The following ZFYVE27 variants were observed in gnomAD, a reference collection of about 807,000 sequenced individuals.
ZFYVE27 encodes protrudin.
ZFYVE27 carries 36 observed loss-of-function variants against 52.8 expected under a neutral mutation model. The observed-to-expected ratio is 0.68, with a 90% confidence interval of 0.52 to 0.90. ZFYVE27 has a LOEUF of 0.90. ZFYVE27 is among the 40% of genes least tolerant of loss of function. ZFYVE27 has a pLI of 0.00. For missense variants in ZFYVE27, 450 were observed against 527.2 expected (o/e 0.85, Z 1.43); for synonymous variants, 223 against 215.6 (o/e 1.03, Z -0.30).
chr10:97,751,411 GGAGGAGGCT>G lies in ZFYVE27; in HGVS notation c.838_846del (p.Glu280_Glu282del), dbSNP rs1355033336. 3.1e-6 allele frequency: 5 copies of G among 1,613,850 alleles called. No homozygotes were observed. The highest frequency in any genetic ancestry group is 2.2e-5 in the South Asian group (2 of 91,062). On this transcript the variant is annotated inframe_deletion, in exon 8 of 13. Coordinates refer to ENST00000684270, the MANE Select transcript of ZFYVE27 (RefSeq NM_001385875.1). ...CCCAGGACCTCACACCGGGCAGCGT[GGAGGAGGCT>G]GAGGAGGCTGAGCCAGATGAAGAGT...
In ZFYVE27 at chr10:97,744,749, G is replaced by A; in HGVS notation, c.289G>A (p.Ala97Thr). The A allele has an allele frequency of 6.2e-7, 1 of 1,613,846 alleles. No individual in the cohort carries two copies. The highest frequency in any genetic ancestry group is 1.1e-5 in the South Asian group (1 of 91,052). ...TGCAGGTGCATGGTACTCAGTAGGT[G>A]CCCTGATGATTTCAGTGCCCGCCCT... ...LNEGAWYSVG[A>T]LMISVPALLG... Residue 97 changes from alanine (A) to threonine (T), a missense_variant, in exon 4 of 13, where the codon GCC becomes ACC. Ala to Thr is a moderately conservative substitution (Grantham distance 58). Coordinates refer to ENST00000684270, the MANE Select transcript of ZFYVE27 (RefSeq NM_001385875.1).
chr10:97,754,885 T>C (rs2136306113), intron 10 of ZFYVE27: 2 of 1,240,992 alleles, frequency 1.6e-6, no homozygotes, highest in East Asian at 1.1e-4. Context: ...ATTTTACAGA[T>C]GAATAACCTG....
Position 97,745,207 on chromosome 10 carries a change from G to A in ZFYVE27, c.455+292G>A, listed in dbSNP as rs545453720. Among the ~76,000 whole-genome samples, 3 of 150,036 alleles carry A rather than the reference G, an allele frequency of 2.0e-5. No homozygotes were observed. In the East Asian group the frequency reaches 5.9e-4, roughly 29 times the overall value. The stretch of plus-strand genomic sequence containing the variant: ...CTTTTTTTTTTTGAGACAGAGTTTC[G>A]CTCTCGTTGTCCAGGCTGGAGTGCA... On this transcript the variant is annotated intron_variant, in intron 4 of 12. Transcript: ENST00000684270.
intron 2 of ZFYVE27, among the ~76,000 whole-genome samples, chr10:97,742,108 C>T (rs1196533059): frequency 1.4e-5 from 2 of 139,938 alleles, no homozygotes. Flanking sequence ...CTAGTCTGGG[C>T]AACAGAGCGA....
chr10:97,759,381 G>A lies in ZFYVE27; in HGVS notation c.*81G>A. On this transcript the variant is annotated 3_prime_UTR_variant, in exon 13 of 13. Transcript: ENST00000684270. ...CCACTCTCCCCACCCCTGGCCCACT[G>A]TGGTGTGTGCTGGGCAAATGTGGCC... is the stretch of plus-strand genomic sequence containing the variant. The A allele has an allele frequency of 6.7e-7, 1 of 1,494,324 alleles. No homozygotes were observed. The allele number at this position is 1,494,324 out of a possible 1,614,324, so 92.6% of individuals were successfully genotyped here.
At chr10:97,754,049 G>T (rs1177669885) in intron 10 of ZFYVE27, among the ~76,000 whole-genome samples, 1 of 152,164 alleles carries the variant, frequency 6.6e-6, no homozygotes, top group East Asian at 1.9e-4. Flanking sequence ...GAGCTGCTGT[G>T]CTCCTGAGGA....
intron 3 of ZFYVE27, among the ~76,000 whole-genome samples, 163 bp downstream of exon 3, chr10:97,743,327 A>T (rs537327063): frequency 4.6e-5 from 7 of 152,208 alleles, no homozygotes; most frequent in African/African-American, 1.7e-4. Flanking sequence ...GGGACGATCC[A>T]GGCTGAGCTG....
At chr10:97,741,047 G>T (rs73324636) in intron 2 of ZFYVE27, among the ~76,000 whole-genome samples, 1 of 152,186 alleles carries the variant, frequency 6.6e-6, no homozygotes, top group African/African-American at 2.4e-5. Flanking sequence ...GTTCTGAGGC[G>T]TAATTAGGGT....
chr10:97,743,420 G>A (rs942085330), intron 3 of ZFYVE27, among the ~76,000 whole-genome samples: 2 of 152,184 alleles, frequency 1.3e-5, no homozygotes, highest in Non-Finnish European at 2.9e-5. Flanking sequence ...TAAAAATGAC[G>A]CTTTCCTCCT....
chr10:97,757,809 G>A (rs2048756210), intron 12 of ZFYVE27, 86 bp downstream of exon 12: 9 of 1,396,004 alleles, frequency 6.4e-6, no homozygotes, highest in Non-Finnish European at 9.1e-6. Flanking sequence ...GGTGTCAGAG[G>A]TCAAGGGAAC....
At chr10:97,748,100 C>G (rs893288888) in intron 4 of ZFYVE27, among the ~76,000 whole-genome samples, 169 bp from the exon 5 acceptor site, 2 of 152,208 alleles carry the variant, frequency 1.3e-5, no homozygotes, top group African/African-American at 4.8e-5. Flanking sequence ...GCTGGGGTGG[C>G]TTAGCCAGGC....
intron 10 of ZFYVE27, among the ~76,000 whole-genome samples, chr10:97,756,874 A>G (rs950680133): frequency 6.6e-6 from 1 of 152,150 alleles, no homozygotes; most frequent in Non-Finnish European, 1.5e-5. Context: ...GAGTATTTGT[A>G]AGGCATTGCT....
rs2044716353 is a variant in ZFYVE27, at chr10:97,744,766, G to A, written c.306G>A (p.Val102=). The change falls in exon 4 of 13, where the codon GTG becomes GTA. Residue 102 remains valine, a synonymous_variant. Coordinates refer to ENST00000684270, the MANE Select transcript of ZFYVE27 (RefSeq NM_001385875.1). Reference sequence around the variant, plus strand: ...CAGTAGGTGCCCTGATGATTTCAGTGCCCGCCCTGCTGGGCTACCTTCAGG... The same window carrying A: ...CAGTAGGTGCCCTGATGATTTCAGTACCCGCCCTGCTGGGCTACCTTCAGG... ...WYSVGALMIS[V]PALLGYLQEV... The A allele has an allele frequency of 6.2e-7, 1 of 1,613,996 alleles. No homozygotes were observed. The highest frequency in any genetic ancestry group is 8.5e-7 in the Non-Finnish European group (1 of 1,180,042).
intron 2 of ZFYVE27, among the ~76,000 whole-genome samples, chr10:97,742,403 T>TTGGTGGTGG (rs1269858777): frequency 5.9e-5 from 9 of 151,968 alleles, no homozygotes; most frequent in African/African-American, 1.9e-4. Flanking sequence ...GCATTGCCAT[T>TTGGTGGTGG]TGGTGGTGGT....
chr10:97,740,740 G>A (rs537358504), intron 2 of ZFYVE27, among the ~76,000 whole-genome samples: 2 of 152,298 alleles, frequency 1.3e-5, no homozygotes, highest in South Asian at 2.1e-4. Flanking sequence ...TGGCTGTCAC[G>A]TTAGTTTGTG....
chr10:97,750,520 C>G (rs889166217), intron 7 of ZFYVE27, 50 bp downstream of exon 7: 1 of 1,610,146 alleles, frequency 6.2e-7, no homozygotes, highest in African/African-American at 1.3e-5. Context: ...TGTGGGCCCC[C>G]CTGTTATCAG....
At position 97,759,327 on chromosome 10, in the gene ZFYVE27, A is replaced by C. The variant is rs748892716; in HGVS notation, c.*27A>C. 5.6e-6 allele frequency: 9 copies of C among 1,613,692 alleles called. No individual in the cohort carries two copies. The highest frequency in any genetic ancestry group is 7.6e-6 in the Non-Finnish European group (9 of 1,179,732). ...AAGAGAGGCCAGGGTCCAACCAGGC[A>C]CCCGTCCTTGGGACCAGCAGTAGAC... On this transcript the variant is annotated 3_prime_UTR_variant, in exon 13 of 13. Coordinates refer to ENST00000684270, the MANE Select transcript of ZFYVE27 (RefSeq NM_001385875.1).
intron 7 of ZFYVE27, 89 bp downstream of exon 7, chr10:97,750,559 G>C (rs2046665940): frequency 6.4e-7 from 1 of 1,567,386 alleles, no homozygotes; most frequent in Non-Finnish European, 8.7e-7. Context: ...GCTGGCCTCT[G>C]TTGTAGTTCC....
rs368284335 is a variant in ZFYVE27 at position 97,743,764 on chromosome 10, G to T, written c.268+600G>T. Among the ~76,000 whole-genome samples the T allele has an allele frequency of 9.8e-5, 15 of 152,318 alleles. No homozygotes were observed. The South Asian group carries it at 1.0e-3, about 11-fold the overall frequency. On this transcript the variant is annotated intron_variant, in intron 3 of 12. Coordinates refer to ENST00000684270, the MANE Select transcript of ZFYVE27 (RefSeq NM_001385875.1). ...GTGGCATGAAGCCTTTGAGATAGAAGTGTGGACACATGGGTGTCTGTTGGG... is the reference window on the plus strand; with the variant it reads ...GTGGCATGAAGCCTTTGAGATAGAATTGTGGACACATGGGTGTCTGTTGGG...
Sources: gnomAD v4.1 joint callset for allele counts (sites outside exome capture counted in the v4.1 genomes callset) on GRCh38, gnomAD v4.1.1 for gene constraint, MANE v1.5 for transcripts, NCBI Gene and HGNC (gene_info 2026-07-23, HGNC 2026-07-21) for gene names.